Variants in GLB1 observed in about 807,000 individuals in gnomAD.
GLB1 encodes the protein galactosidase beta 1, also known as beta-galactosidase.
GLB1 carries 56 observed loss-of-function variants against 74.0 expected under a neutral mutation model. The observed-to-expected ratio is 0.76, with a 90% CI of 0.61 to 0.94. The LOEUF (loss-of-function observed/expected upper bound fraction) is 0.94. Among genes scored for constraint, GLB1 ranks in the 40% least tolerant of loss-of-function variants. GLB1 has a pLI of 0.00. For missense variants in GLB1, 787 were observed against 845.5 expected (o/e 0.93, Z 0.86); for synonymous variants, 323 against 323.6 (o/e 1.00, Z 0.02).
intron 10 of GLB1, among the ~76,000 whole-genome samples, chr3:33,035,293 G>A (rs924678140): frequency 1.3e-5 from 2 of 152,016 alleles, no homozygotes; most frequent in South Asian, 2.1e-4. Context: ...TTAGACAGGT[G>A]TGGTGGCGCA....
At chr3:33,003,838 T>A (rs779604096) in intron 15 of GLB1, among the ~76,000 whole-genome samples, 15 of 152,310 alleles carry the variant, frequency 9.8e-5, no homozygotes, top group Middle Eastern at 3.4e-3. Context: ...CAGACCAGCC[T>A]GGCCTACATG....
chr3:32,981,546 G>A, the GLB1 span, among the ~76,000 whole-genome samples: 7 of 152,006 alleles, frequency 4.6e-5, no homozygotes, highest in Admixed American at 4.6e-4. Context: ...GGCCGATATG[G>A]GTAGATCACT....
At chr3:33,017,860 C>T (rs1399000312) in intron 13 of GLB1, among the ~76,000 whole-genome samples, 2 of 152,194 alleles carry the variant, frequency 1.3e-5, no homozygotes, top group Admixed American at 6.5e-5. Flanking sequence ...GGGGAGACCC[C>T]GAAGGCTTCT....
At chr3:33,053,633 C>G in intron 6 of GLB1, 84 bp from the exon 7 acceptor site, 1 of 1,563,310 alleles carries the variant, frequency 6.4e-7, no homozygotes, top group South Asian at 1.1e-5. Context: ...GGGACTCGGG[C>G]CTGAAGCCCT....
chr3:33,030,884 C>T, intron 10 of GLB1: 1 of 912,312 alleles, frequency 1.1e-6, no homozygotes, highest in African/African-American at 1.8e-5. Context: ...ATAAACTCAC[C>T]ACTGCCCCTC....
At chr3:33,091,285 AG>A in intron 1 of GLB1, 1 of 985,542 alleles carries the variant, frequency 1.0e-6, no homozygotes, top group Admixed American at 6.1e-5. Context: ...GGGAACAAAA[AG>A]GGTGGTCTCC....
At chr3:32,970,954 T>G in the GLB1 span, among the ~76,000 whole-genome samples, 4 of 152,216 alleles carry the variant, frequency 2.6e-5, no homozygotes, top group African/African-American at 9.7e-5. Flanking sequence ...TATTTCCTTG[T>G]ACTTTGATGC....
At chr3:33,074,460 T>C (rs926590605) in intron 1 of GLB1, among the ~76,000 whole-genome samples, 1 of 152,032 alleles carries the variant, frequency 6.6e-6, no homozygotes, top group African/African-American at 2.4e-5. Flanking sequence ...TATATATACA[T>C]ATGTGGAGTT....
intron 2 of GLB1, among the ~76,000 whole-genome samples, chr3:33,069,558 G>A (rs1699817749): frequency 6.6e-6 from 1 of 152,080 alleles, no homozygotes; most frequent in African/African-American, 2.4e-5. Context: ...ATTGATTAAG[G>A]GAAGAACTTT....
At chr3:33,048,857 T>C (rs1698853506) in intron 9 of GLB1, among the ~76,000 whole-genome samples, 1 of 152,168 alleles carries the variant, frequency 6.6e-6, no homozygotes, top group South Asian at 2.1e-4. Flanking sequence ...GACTTTTTTT[T>C]GTATTCAGCT....
intron 10 of GLB1, among the ~76,000 whole-genome samples, chr3:33,031,948 C>A (rs944725690): frequency 6.6e-6 from 1 of 151,956 alleles, no homozygotes; most frequent in African/African-American, 2.4e-5. Flanking sequence ...CAGGCATACG[C>A]CATCATGCCC....
intron 15 of GLB1, among the ~76,000 whole-genome samples, chr3:33,012,900 A>G (rs1014268620): frequency 1.3e-5 from 2 of 152,164 alleles, no homozygotes; most frequent in Non-Finnish European, 2.9e-5. Context: ...CAGTTTCTCA[A>G]TGAGACTATG....
chr3:33,011,258 T>TA (rs1559380835), intron 15 of GLB1, among the ~76,000 whole-genome samples: 1 of 151,792 alleles, frequency 6.6e-6, no homozygotes, highest in African/African-American at 2.4e-5. Context: ...CTTGTAATCC[T>TA]AGCACTTTTC....
chr3:33,015,354 C>T (rs1697198199), intron 14 of GLB1, among the ~76,000 whole-genome samples: 1 of 152,170 alleles, frequency 6.6e-6, no homozygotes, highest in Non-Finnish European at 1.5e-5. Flanking sequence ...CATGAGAATA[C>T]TGTGATACCT....
chr3:33,020,141 A>G (rs1697407373), intron 12 of GLB1, among the ~76,000 whole-genome samples: 1 of 152,172 alleles, frequency 6.6e-6, no homozygotes, highest in Non-Finnish European at 1.5e-5. Flanking sequence ...GGGTGCTAGG[A>G]CTGCAGAGTA....
At position 33,016,780 on chromosome 3, in the gene GLB1, C is replaced by CA; in HGVS notation, c.1407dup (p.Gly470TrpfsTer24). The CA allele has an allele frequency of 6.2e-7, 1 of 1,614,172 alleles. No individual in the cohort carries two copies. Among genetic ancestry groups the CA allele is most frequent in the Non-Finnish European group, 8.5e-7 (1 of 1,180,010 alleles). ...TCTACCAGAAGGTCCAGAGTGGCTC[C>CA]AGCTTTCCCTGTTATGTTCAGAGTG... On this transcript the variant is annotated frameshift_variant, in exon 14 of 16. Coordinates refer to ENST00000307363, the MANE Select transcript of GLB1 (RefSeq NM_000404.4). LOFTEE classifies it high-confidence loss of function.
intron 9 of GLB1, 132 bp downstream of exon 9, chr3:33,051,626 G>GAAA: frequency 2.7e-6 from 3 of 1,112,606 alleles, no homozygotes; most frequent in Non-Finnish European, 3.7e-6. Flanking sequence ...AAAAGAAAAA[G>GAAA]AAAAAAAAAG....
At chr3:33,083,589 A>G (rs1397540860) in intron 1 of GLB1, among the ~76,000 whole-genome samples, 1 of 152,180 alleles carries the variant, frequency 6.6e-6, no homozygotes, top group Non-Finnish European at 1.5e-5. Flanking sequence ...CTTTTATTTC[A>G]TACTTGCAGG....
chr3:33,074,381 G>GAAA (rs1559412918), intron 1 of GLB1, among the ~76,000 whole-genome samples: 1 of 9,498 alleles, frequency 1.1e-4, no homozygotes, highest in African/African-American at 2.0e-4. Flanking sequence ...AGGAAGGAAG[G>GAAA]AAGGAAGGAA....
Sources: gnomAD v4.1 joint callset for allele counts (sites outside exome capture counted in the v4.1 genomes callset) on GRCh38, gnomAD v4.1.1 for gene constraint, MANE v1.5 for transcripts, NCBI Gene and HGNC (gene_info 2026-07-23, HGNC 2026-07-21) for gene names.